Variants in SAFB observed in about 807,000 individuals in gnomAD.
SAFB encodes scaffold attachment factor B, also known as scaffold attachment factor B1.
A neutral mutation model predicts 101.6 loss-of-function variants in SAFB; 15 were observed. The ratio of observed to expected loss-of-function variants is 0.15; its 90% confidence interval spans 0.10 to 0.23. SAFB has a LOEUF of 0.23. Among genes scored for constraint, SAFB ranks in the 10% least tolerant of loss-of-function variants. SAFB has a pLI of 1.00. For missense variants in SAFB, 930 were observed against 1,104.1 expected, an observed-to-expected ratio of 0.84 and a Z score of 2.23; for synonymous variants, 449 against 407.5, an observed-to-expected ratio of 1.10 and a Z score of -1.23.
At chr19:5,626,683 A>G (rs1195739684) in intron 2 of SAFB, among the ~76,000 whole-genome samples, 194 bp downstream of exon 2, 4 of 152,200 alleles carry the variant, frequency 2.6e-5, no homozygotes, top group Admixed American at 2.0e-4. Flanking sequence ...GGGAATTCCA[A>G]TGGAGGATGG....
chr19:5,653,291 A>G (rs1371690036), intron 10 of SAFB, 27 bp downstream of exon 10: 14 of 1,614,014 alleles, frequency 8.7e-6, no homozygotes, highest in Admixed American at 1.7e-5. Context: ...TTCCCAGGAT[A>G]TAGCCCACAT....
intron 6 of SAFB, 47 bp downstream of exon 6, chr19:5,648,090 A>G: frequency 1.4e-6 from 2 of 1,470,098 alleles, no homozygotes; most frequent in African/African-American, 1.4e-5. Context: ...GAACCATTCT[A>G]GTTTTCCACC....
At chr19:5,648,070 CG>C (rs774963202) in intron 6 of SAFB, 27 bp downstream of exon 6, 2 of 1,593,936 alleles carry the variant, frequency 1.3e-6, no homozygotes, top group South Asian at 1.1e-5. Flanking sequence ...AACTTACCAG[CG>C]GGGGTTTGGA....
intron 7 of SAFB, 158 bp from the exon 8 acceptor site, chr19:5,649,768 T>A: frequency 1.2e-6 from 1 of 821,408 alleles, no homozygotes; most frequent in Non-Finnish European, 2.0e-6. Context: ...GTCTGAAATC[T>A]TATGGTTAGG....
intron 2 of SAFB, among the ~76,000 whole-genome samples, chr19:5,626,919 C>A (rs985067318): frequency 1.3e-5 from 2 of 152,042 alleles, no homozygotes; most frequent in Non-Finnish European, 2.9e-5. Flanking sequence ...TGGCATGCAT[C>A]TGTGGTCCCA....
chr19:5,641,889 T>G lies in SAFB; in HGVS notation c.489T>G (p.Ser163Arg). The part of the protein sequence containing the change: ...ADNLQESLSD[S>R]RELVEGEMKE... ...ACCTCCAGGAGTCCCTGTCGGATAG[T>G]AGAGAGCTAGTCGAGGGGGAAATGA... Residue 163 changes from serine to arginine, a missense_variant, in exon 4 of 21, where the codon AGT becomes AGG. By Grantham distance (110) the Ser-to-Arg change is moderately radical. This residue lies in a region of SAFB where 130 missense variants were observed against 114.2 expected (regional missense o/e 1.14). Coordinates refer to ENST00000588852, the MANE Select transcript of SAFB (RefSeq NM_001201338.2). 6.2e-7 allele frequency: 1 copy of G among 1,614,124 alleles called. No homozygotes were observed. The highest frequency in any genetic ancestry group is 8.5e-7 in the Non-Finnish European group (1 of 1,180,018).
chr19:5,664,559 T>C, intron 17 of SAFB, 120 bp downstream of exon 17: 1 of 784,964 alleles, frequency 1.3e-6, no homozygotes, highest in East Asian at 2.6e-5. Flanking sequence ...AAGAGAAAAG[T>C]AAAGCACTAG....
chr19:5,628,855 C>G (rs143836870), intron 2 of SAFB, among the ~76,000 whole-genome samples: 1 of 152,346 alleles, frequency 6.6e-6, no homozygotes, highest in East Asian at 1.9e-4. Context: ...AAGCAAAAAA[C>G]AGAGCCTGTG....
rs553631101 is a variant in SAFB at position 5,667,413 on chromosome 19, C to T, written c.2520C>T (p.Asp840=). ...ACCGGTCATGGCAGGGCACGGCCGA[C>T]GGGGGCATGATGGACAGGGATCACA... ...EDDRSWQGTA[D]GGMMDRDHKR... is the part of the protein sequence containing the mutation. Residue 840 remains aspartate, a synonymous_variant, in exon 19 of 21, where the codon GAC becomes GAT. Transcript: ENST00000588852. The surrounding 1 kb of genome is among the most constrained non-coding windows in gnomAD (Gnocchi z 4.0). 132 of 1,516,596 alleles carry T rather than the reference C, an allele frequency of 8.7e-5. 1 individual carries two copies. The South Asian group carries it at 1.6e-3, about 18-fold the overall frequency. 93.9% of individuals were successfully genotyped at this position (1,516,596 alleles called of 1,614,324 possible). A position where few individuals can be genotyped will look rare whatever the true frequency, so the allele number is the denominator to read the frequency against.
intron 12 of SAFB, 74 bp downstream of exon 12, chr19:5,654,274 AGCT>A: frequency 1.2e-6 from 2 of 1,600,504 alleles, no homozygotes; most frequent in South Asian, 2.2e-5. Flanking sequence ...TGCTGTGATT[AGCT>A]GGCAACGGAA....
At position 5,623,160 on chromosome 19, in the gene SAFB, C is replaced by G; in HGVS notation, c.-46C>G. On this transcript the variant is annotated 5_prime_UTR_variant, in exon 1 of 21. Transcript: ENST00000588852. ...TTTTGTGCTAGGAGCCTGATAAAAC[C>G]GGCCCGGTTCTGTGGAAAGTGGGCG... The G allele has an allele frequency of 6.5e-7, 1 of 1,538,536 alleles. No homozygotes were observed. The highest frequency in any genetic ancestry group is 8.8e-7 in the Non-Finnish European group (1 of 1,138,620).
intron 2 of SAFB, among the ~76,000 whole-genome samples, chr19:5,627,595 A>G (rs2053394227): frequency 6.6e-6 from 1 of 152,176 alleles, no homozygotes; most frequent in African/African-American, 2.4e-5. Context: ...TCCACATGAC[A>G]TGACTCTCAC....
At chr19:5,658,668 C>G (rs1019071632) in intron 14 of SAFB, among the ~76,000 whole-genome samples, 2 of 151,064 alleles carry the variant, frequency 1.3e-5, no homozygotes, top group East Asian at 2.0e-4. Context: ...ACGGTGAAAC[C>G]CTGTCTCTAC....
At position 5,641,597 on chromosome 19, in the gene SAFB, G is replaced by A. The variant is rs750128026; in HGVS notation, c.278G>A (p.Arg93His). The stretch of plus-strand genomic sequence containing the variant: ...CTGTAAATGATTCTGTCTTCAGGGC[G>A]CAAACCAGAAGAAGAGGGTGTGGAA... The part of the protein sequence containing the change: ...KKTSKRSSKG[R>H]KPEEEGVEDN... The change falls in exon 3 of 21, where the codon CGC becomes CAC. Residue 93 changes from arginine to histidine, a missense_variant. Arg to His is a conservative substitution (Grantham distance 29, BLOSUM62 0). Transcript: ENST00000588852. The A allele has an allele frequency of 1.1e-5, 18 of 1,613,232 alleles. No individual in the cohort carries two copies. The highest frequency in any genetic ancestry group is 7.7e-5 in the South Asian group (7 of 91,014).
At chr19:5,650,364 T>G (rs1034301154) in intron 8 of SAFB, among the ~76,000 whole-genome samples, 1 of 152,244 alleles carries the variant, frequency 6.6e-6, no homozygotes, top group Non-Finnish European at 1.5e-5. Context: ...CAAGGTTGAC[T>G]GTTCTGCTAC....
At position 5,623,085 on chromosome 19, in the gene SAFB, A is replaced by G. The variant is rs1400006727; in HGVS notation, c.-121A>G. 5.7e-6 allele frequency: 6 copies of G among 1,057,802 alleles called. No individual in the cohort carries two copies. Among genetic ancestry groups the G allele is most frequent in the Non-Finnish European group, 6.9e-6 (5 of 723,718 alleles). The allele number at this position is 1,057,802 out of a possible 1,614,324, so 65.5% of individuals were successfully genotyped here. A position where few individuals can be genotyped will look rare whatever the true frequency, so the allele number is the denominator to read the frequency against. On this transcript the variant is annotated 5_prime_UTR_variant, in exon 1 of 21. Coordinates refer to ENST00000588852, the MANE Select transcript of SAFB (RefSeq NM_001201338.2). The stretch of plus-strand genomic sequence containing the variant: ...ACCTACGCTTGGTGCGCCTGCGCAG[A>G]AGCGAGGCGCGCTGGGGCGACTGGA...
At chr19:5,637,268 C>T (rs1333765022) in intron 2 of SAFB, among the ~76,000 whole-genome samples, 3 of 145,582 alleles carry the variant, frequency 2.1e-5, no homozygotes, top group South Asian at 2.2e-4. Context: ...GGCGTGAACC[C>T]GGGAGGTGGA....
intron 7 of SAFB, 88 bp from the exon 8 acceptor site, chr19:5,649,838 G>A: frequency 8.5e-7 from 1 of 1,180,578 alleles, no homozygotes; most frequent in East Asian, 2.4e-5. Context: ...TTTCGGGTAG[G>A]TATGCAACCT....
chr19:5,631,762 G>C (rs1040973429), intron 2 of SAFB, among the ~76,000 whole-genome samples: 1 of 152,164 alleles, frequency 6.6e-6, no homozygotes, highest in Non-Finnish European at 1.5e-5. Flanking sequence ...ATAATTATCA[G>C]GGGCTGTGCG....
Sources: gnomAD v4.1 joint callset for allele counts (sites outside exome capture counted in the v4.1 genomes callset) on GRCh38, gnomAD v4.1.1 for gene constraint, gnomAD v4.1.1 regional missense constraint, Gnocchi (gnomAD v3.1) non-coding constraint, MANE v1.5 for transcripts, NCBI Gene and HGNC (gene_info 2026-07-23, HGNC 2026-07-21) for gene names.